SLC25A13: variants seen among roughly 807,000 people sequenced by gnomAD.
SLC25A13 encodes solute carrier family 25 member 13.
A neutral mutation model predicts 85.5 loss-of-function variants in SLC25A13; 70 were observed. That is an observed-to-expected ratio of 0.82 (90% CI 0.68 to 1.00). The LOEUF is 1.00. Ranked by LOEUF, SLC25A13 falls within the 50% of genes least tolerant of loss-of-function variation. The pLI is 0.00. For missense variants in SLC25A13, 765 were observed against 819.8 expected, an observed-to-expected ratio of 0.93 and a Z score of 0.82; for synonymous variants, 259 against 288.7, an observed-to-expected ratio of 0.90 and a Z score of 1.04.
chr7:96,212,545 GT>G (rs1377166888), intron 4 of SLC25A13, among the ~76,000 whole-genome samples: 1 of 152,202 alleles, frequency 6.6e-6, no homozygotes, highest in Non-Finnish European at 1.5e-5. Context: ...GACCTGAAAG[GT>G]GTCAAGGATT....
At chr7:96,281,044 C>T (rs1050498498) in intron 2 of SLC25A13, among the ~76,000 whole-genome samples, 1 of 152,092 alleles carries the variant, frequency 6.6e-6, no homozygotes. Flanking sequence ...TAGTAGGATA[C>T]ATTAATGGCT....
At chr7:96,298,286 G>A (rs540021941) in intron 1 of SLC25A13, among the ~76,000 whole-genome samples, 1 of 152,252 alleles carries the variant, frequency 6.6e-6, no homozygotes, top group East Asian at 1.9e-4. Context: ...CCACTGTCAG[G>A]AATAATTTTA....
At chr7:96,167,812 T>C (rs1409791577) in intron 13 of SLC25A13, among the ~76,000 whole-genome samples, 2 of 152,084 alleles carry the variant, frequency 1.3e-5, no homozygotes, top group Admixed American at 6.6e-5. Flanking sequence ...ACTTAAAAAA[T>C]GCATGGCTGG....
At chr7:96,264,015 T>C (rs905706822) in intron 3 of SLC25A13, among the ~76,000 whole-genome samples, 2 of 152,162 alleles carry the variant, frequency 1.3e-5, no homozygotes, top group Admixed American at 6.6e-5. Flanking sequence ...CATTGCGTCC[T>C]ACCCAATGTC....
chr7:96,141,876 T>C (rs533471953), intron 14 of SLC25A13, among the ~76,000 whole-genome samples: 1 of 152,354 alleles, frequency 6.6e-6, no homozygotes, highest in East Asian at 1.9e-4. Flanking sequence ...CCTAACAACT[T>C]CAATGCTAGG....
intron 13 of SLC25A13, among the ~76,000 whole-genome samples, chr7:96,167,525 A>T (rs964848119): frequency 6.6e-6 from 1 of 152,254 alleles, no homozygotes; most frequent in Non-Finnish European, 1.5e-5. Flanking sequence ...CAAAGAAATG[A>T]GCAGCTTTGG....
At chr7:96,171,660 A>G (rs979160155) in intron 11 of SLC25A13, 136 bp from the exon 12 acceptor site, 3 of 727,190 alleles carry the variant, frequency 4.1e-6, no homozygotes, top group Non-Finnish European at 7.3e-6. Context: ...CCTTAATGAG[A>G]ATATTTGAAA....
At chr7:96,232,775 T>C (rs1413366486) in intron 4 of SLC25A13, among the ~76,000 whole-genome samples, 3 of 152,154 alleles carry the variant, frequency 2.0e-5, no homozygotes, top group African/African-American at 4.8e-5. Flanking sequence ...AATCCTTACA[T>C]AGTCCTGTAA....
chr7:96,274,424 G>A (rs567792830), intron 3 of SLC25A13, among the ~76,000 whole-genome samples: 93 of 152,228 alleles, frequency 6.1e-4, no homozygotes, highest in African/African-American at 2.2e-3. Context: ...TGTCAGATGA[G>A]TAGATTGAAA....
At chr7:96,122,467 C>T (rs1253672958) in intron 15 of SLC25A13, among the ~76,000 whole-genome samples, 1 of 152,062 alleles carries the variant, frequency 6.6e-6, no homozygotes, top group African/African-American at 2.4e-5. Flanking sequence ...TGCTTTCTCT[C>T]ACACATTCAA....
chr7:96,189,968 G>C (rs1794782340), intron 7 of SLC25A13, among the ~76,000 whole-genome samples: 1 of 152,016 alleles, frequency 6.6e-6, no homozygotes, highest in Non-Finnish European at 1.5e-5. Context: ...CATATGCATA[G>C]GTCCCAGGAG....
chr7:96,214,197 AC>A (rs1257568393), intron 4 of SLC25A13, among the ~76,000 whole-genome samples: 2 of 152,144 alleles, frequency 1.3e-5, no homozygotes, highest in African/African-American at 4.8e-5. Context: ...CAAAAAGTCA[AC>A]CTATTTCTCC....
chr7:96,195,766 C>G (rs1387187216), intron 5 of SLC25A13, among the ~76,000 whole-genome samples: 2 of 152,148 alleles, frequency 1.3e-5, no homozygotes, highest in Admixed American at 1.3e-4. Context: ...TTCTCCAGCT[C>G]CTGAAATCCT....
chr7:96,255,722 A>C (rs1797608559), intron 3 of SLC25A13, among the ~76,000 whole-genome samples: 1 of 152,108 alleles, frequency 6.6e-6, no homozygotes, highest in South Asian at 2.1e-4. Flanking sequence ...AGAGAAAAAC[A>C]AAAGGTCTCA....
At chr7:96,308,969 A>G (rs1443209050) in intron 1 of SLC25A13, among the ~76,000 whole-genome samples, 2 of 152,220 alleles carry the variant, frequency 1.3e-5, no homozygotes, top group Non-Finnish European at 2.9e-5. Flanking sequence ...ACCACCATAA[A>G]AAAAGAATCT....
chr7:96,195,655 A>T (rs1044370781), intron 5 of SLC25A13, among the ~76,000 whole-genome samples: 1 of 152,156 alleles, frequency 6.6e-6, no homozygotes, highest in African/African-American at 2.4e-5. Context: ...AACTAGTCTT[A>T]GCCTCATCTC....
chr7:96,273,968 C>G (rs987529366), intron 3 of SLC25A13, among the ~76,000 whole-genome samples: 1 of 152,162 alleles, frequency 6.6e-6, no homozygotes, highest in Non-Finnish European at 1.5e-5. Flanking sequence ...CCAGCCTTTT[C>G]CTGCACCACC....
intron 1 of SLC25A13, among the ~76,000 whole-genome samples, chr7:96,314,163 G>GGAA (rs771193222): frequency 1.3e-5 from 2 of 151,928 alleles, no homozygotes; most frequent in African/African-American, 2.4e-5. Context: ...CGAAGAAGAA[G>GGAA]GAAGAAGAAG....
Position 96,155,407 on chromosome 7 carries a change from C to T in SLC25A13, c.1312-8711G>A, listed in dbSNP as rs527449934. ...ATTTTTTCCTCCCCAGAGTGTTTTT[C>T]GTCCTCCTTCTTTTCTTTGGTTTTC... On this transcript the variant is annotated intron_variant, in intron 13 of 17. Coordinates refer to ENST00000265631, the MANE Select transcript of SLC25A13 (RefSeq NM_014251.3). 1.8e-3 allele frequency among the ~76,000 whole-genome samples: 268 copies of T among 152,146 alleles called. 3 individuals carry two copies. The highest frequency in any genetic ancestry group is 6.1e-3 in the African/African-American group (255 of 41,484).
Sources: gnomAD v4.1 joint callset for allele counts (sites outside exome capture counted in the v4.1 genomes callset) on GRCh38, gnomAD v4.1.1 for gene constraint, MANE v1.5 for transcripts, NCBI Gene and HGNC (gene_info 2026-07-23, HGNC 2026-07-21) for gene names.